The following DCK variants were observed in gnomAD, a reference collection of about 807,000 sequenced individuals.
The protein encoded by DCK is deoxycytidine kinase.
A neutral mutation model predicts 38.3 loss-of-function variants in DCK; 23 were observed. The ratio of observed to expected loss-of-function variants is 0.60; its 90% confidence interval spans 0.43 to 0.85. DCK has a LOEUF of 0.85. DCK is among the 40% of genes least tolerant of loss of function. The pLI is 0.00. For synonymous variants in DCK, 108 were observed against 100.6 expected, an observed-to-expected ratio of 1.07 and a Z score of -0.44; for missense variants, 259 against 304.4, an observed-to-expected ratio of 0.85 and a Z score of 1.11.
At chr4:71,016,353 A>G (rs1041393673) in intron 2 of DCK, among the ~76,000 whole-genome samples, 4 of 152,216 alleles carry the variant, frequency 2.6e-5, no homozygotes, top group African/African-American at 9.7e-5. Flanking sequence ...AAATGGCCAT[A>G]CTGCCCAAGG....
chr4:71,005,860 T>G (rs1165410251), intron 2 of DCK, among the ~76,000 whole-genome samples: 2 of 151,594 alleles, frequency 1.3e-5, no homozygotes, highest in Non-Finnish European at 2.9e-5. Flanking sequence ...GTGCGGTGGC[T>G]CACACCTGTA....
intron 2 of DCK, among the ~76,000 whole-genome samples, chr4:71,012,685 A>G (rs1740133786): frequency 1.3e-5 from 2 of 152,270 alleles, no homozygotes; most frequent in African/African-American, 4.8e-5. Context: ...GCAAACTCCA[A>G]CAGACCAGCA....
chr4:71,014,198 C>T (rs1740188257), intron 2 of DCK, among the ~76,000 whole-genome samples: 1 of 152,182 alleles, frequency 6.6e-6, no homozygotes, highest in South Asian at 2.1e-4. Flanking sequence ...GTAAAGGGAT[C>T]AATACAACAA....
chr4:71,019,782 A>ATT (rs67862573), intron 2 of DCK, among the ~76,000 whole-genome samples: 10 of 150,856 alleles, frequency 6.6e-5, no homozygotes, highest in Middle Eastern at 3.4e-3. Context: ...TATACCTTTT[A>ATT]TTTTTTTTTA....
chr4:71,004,823 T>C (rs1284394876), intron 2 of DCK, among the ~76,000 whole-genome samples: 1 of 152,190 alleles, frequency 6.6e-6, no homozygotes, highest in Non-Finnish European at 1.5e-5. Flanking sequence ...CAAGCTTCAG[T>C]GTCTCAGGTT....
rs72854190 is a variant in DCK, at chr4:71,006,697, A to T, written c.207+8515A>T. 9.4e-3 allele frequency among the ~76,000 whole-genome samples: 1,438 copies of T among 152,192 alleles called. 33 individuals are homozygous for T. Among genetic ancestry groups the T allele is most frequent in the African/African-American group, 0.033 (1,381 of 41,490 alleles). ...GTAGCCTGCACTTGGGGTTACAGCT[A>T]CTTGGAAGGCTGAGGTTGGAGGACT... is the stretch of plus-strand genomic sequence containing the variant. On this transcript the variant is annotated intron_variant, in intron 2 of 6. Transcript: ENST00000286648.
intron 2 of DCK, among the ~76,000 whole-genome samples, chr4:71,019,043 T>C (rs10518080): frequency 0.81 from 122,913 of 152,110 alleles, 54,296 homozygotes; most frequent in Non-Finnish European, 0.97. Context: ...TCAAATTTCA[T>C]GCATAGGATC....
At chr4:71,002,334 G>A (rs1363941378) in intron 2 of DCK, among the ~76,000 whole-genome samples, 1 of 152,118 alleles carries the variant, frequency 6.6e-6, no homozygotes, top group Non-Finnish European at 1.5e-5. Flanking sequence ...CTGACAGACT[G>A]TTATGATTTC....
intron 6 of DCK, chr4:71,028,539 A>G: frequency 2.7e-6 from 1 of 376,616 alleles, no homozygotes; most frequent in Middle Eastern, 9.6e-4. Flanking sequence ...ACAGAGCAAT[A>G]AATAACTCCT....
In DCK at chr4:71,029,338, C is replaced by G; in HGVS notation, c.757-14C>G. 1.3e-6 allele frequency: 2 copies of G among 1,561,066 alleles called. No homozygotes were observed. Among genetic ancestry groups the G allele is most frequent in the South Asian group, 1.2e-5 (1 of 84,470 alleles). Reference sequence around the variant, plus strand: ...CAAGGAATTATACTGATTTTTTTTTCTTCCTTTCCTCAGGTCAAAGAGTTT... The same window carrying G: ...CAAGGAATTATACTGATTTTTTTTTGTTCCTTTCCTCAGGTCAAAGAGTTT... On this transcript the variant is annotated splice_polypyrimidine_tract_variant and intron_variant, in intron 6 of 6. Transcript: ENST00000286648.
intron 2 of DCK, among the ~76,000 whole-genome samples, chr4:71,017,918 T>TA (rs1273587365): frequency 2.0e-5 from 3 of 152,034 alleles, no homozygotes; most frequent in South Asian, 4.1e-4. Flanking sequence ...CCCAAGAACT[T>TA]AAAGTATAAA....
intron 5 of DCK, among the ~76,000 whole-genome samples, chr4:71,026,155 G>A (rs546710566): frequency 7.2e-5 from 11 of 151,968 alleles, no homozygotes; most frequent in Non-Finnish European, 1.5e-4. Context: ...TATTGATAGC[G>A]TAATATGTGA....
chr4:71,022,616 T>A lies in DCK; in HGVS notation c.401+56T>A. 9.5e-6 allele frequency: 3 copies of A among 315,300 alleles called. 1 individual carries two copies. The highest frequency in any genetic ancestry group is 4.9e-6 in the Non-Finnish European group (1 of 202,932). 19.5% of individuals were successfully genotyped at this position (315,300 alleles called of 1,614,324 possible). ...TGAAGTTTTTATCTTAGAACTGGAC[T>A]TTTTTTTTTTTTTTAATGTTTCCTG... On this transcript the variant is annotated intron_variant, in intron 3 of 6. Coordinates refer to ENST00000286648, the MANE Select transcript of DCK (RefSeq NM_000788.3).
intron 2 of DCK, among the ~76,000 whole-genome samples, chr4:71,014,931 G>A (rs561723812): frequency 1.3e-5 from 2 of 152,054 alleles, no homozygotes; most frequent in Admixed American, 6.6e-5. Context: ...AGAGCAGAAC[G>A]GAAGGAAATA....
intron 2 of DCK, among the ~76,000 whole-genome samples, chr4:71,011,857 A>G (rs1740097666): frequency 6.6e-6 from 1 of 152,114 alleles, no homozygotes; most frequent in African/African-American, 2.4e-5. Context: ...ATTCTTTCAT[A>G]AAGTGAAAAT....
intron 1 of DCK, chr4:70,994,140 G>T: frequency 1.7e-6 from 1 of 588,396 alleles, no homozygotes; most frequent in Non-Finnish European, 3.0e-6. Context: ...CAGACTGGGC[G>T]CCAGGCCTGC....
intron 2 of DCK, among the ~76,000 whole-genome samples, chr4:71,018,885 T>G (rs1740340174): frequency 6.6e-6 from 1 of 152,202 alleles, no homozygotes; most frequent in East Asian, 1.9e-4. Context: ...TTGCCCAGGC[T>G]GGTCTGGAAC....
At chr4:71,011,478 T>C (rs933783432) in intron 2 of DCK, among the ~76,000 whole-genome samples, 1 of 152,116 alleles carries the variant, frequency 6.6e-6, no homozygotes, top group Non-Finnish European at 1.5e-5. Flanking sequence ...CACCTCAGCC[T>C]CCTCAGTAGC....
In DCK at chr4:71,003,388, C is replaced by T. The variant is rs1425744360; in HGVS notation, c.207+5206C>T. On this transcript the variant is annotated intron_variant, in intron 2 of 6. Coordinates refer to ENST00000286648, the MANE Select transcript of DCK (RefSeq NM_000788.3). ...GACCTTTCTCTCTGGCTGCGCTTAA[C>T]ATTTTTTCCCTCATTTTAACCTTGG... Among the ~76,000 whole-genome samples, 4 of 152,184 alleles carry T rather than the reference C, an allele frequency of 2.6e-5. No homozygotes were observed. The East Asian group carries it at 7.7e-4, about 29-fold the overall frequency.
Sources: allele counts gnomAD v4.1 joint callset (sites outside exome capture counted in the v4.1 genomes callset), GRCh38; gene constraint gnomAD v4.1.1; transcripts MANE v1.5; gene names NCBI Gene and HGNC (gene_info 2026-07-23, HGNC 2026-07-21).